The following PSMD14 variants were observed in gnomAD, a reference collection of about 807,000 sequenced individuals.
PSMD14 encodes ubiquitin C-terminal hydrolase PSMD14.
A neutral mutation model predicts 41.2 loss-of-function variants in PSMD14; 7 were observed. That is an observed-to-expected ratio of 0.17 (90% confidence interval 0.10 to 0.32). PSMD14 has a LOEUF of 0.32. PSMD14 is among the 10% of genes least tolerant of loss of function. The probability of loss-of-function intolerance (pLI) is 1.00; values close to 1 mark genes in which losing one functional copy is unlikely to be tolerated. For synonymous variants in PSMD14, 114 were observed against 122.3 expected (o/e 0.93, Z 0.45); for missense variants, 139 against 375.6 (o/e 0.37, Z 5.21).
intron 7 of PSMD14, chr2:161,384,070 T>C (rs2105263550): frequency 6.6e-6 from 1 of 151,770 alleles, no homozygotes; most frequent in East Asian, 1.9e-4. Flanking sequence ...TTAAGGTTAT[T>C]GTATAAAAAG....
chr2:161,340,456 T>C (rs1682934206), intron 3 of PSMD14, among the ~76,000 whole-genome samples: 1 of 152,220 alleles, frequency 6.6e-6, no homozygotes, highest in Non-Finnish European at 1.5e-5. Flanking sequence ...AAGTGAACTC[T>C]GCTTTTAAAA....
At chr2:161,336,213 T>A (rs541380034) in intron 3 of PSMD14, among the ~76,000 whole-genome samples, 2 of 152,370 alleles carry the variant, frequency 1.3e-5, no homozygotes, top group Admixed American at 1.3e-4. Flanking sequence ...TATAGCCATC[T>A]ATAAATTACT....
chr2:161,379,244 T>C (rs1422033463), intron 7 of PSMD14, among the ~76,000 whole-genome samples: 1 of 152,018 alleles, frequency 6.6e-6, no homozygotes, highest in African/African-American at 2.4e-5. Flanking sequence ...CACTCTTAAG[T>C]TGATATCAGA....
At chr2:161,309,237 A>G (rs1325104954) in intron 1 of PSMD14, among the ~76,000 whole-genome samples, 14 of 152,216 alleles carry the variant, frequency 9.2e-5, no homozygotes, top group Admixed American at 7.2e-4. Flanking sequence ...CTGCTACCGT[A>G]TGTTACATCT....
chr2:161,368,005 G>A, intron 5 of PSMD14, 102 bp downstream of exon 5: 1 of 1,307,730 alleles, frequency 7.6e-7, no homozygotes, highest in Non-Finnish European at 1.0e-6. Context: ...TCTCTTTCCA[G>A]TAGGAAAAAT....
intron 3 of PSMD14, among the ~76,000 whole-genome samples, chr2:161,330,081 A>G (rs989910994): frequency 1.3e-5 from 2 of 149,228 alleles, no homozygotes; most frequent in African/African-American, 5.0e-5. Context: ...TTCTATTTTG[A>G]TATGCAATTA....
intron 3 of PSMD14, among the ~76,000 whole-genome samples, chr2:161,338,142 G>A (rs1682894821): frequency 6.6e-6 from 1 of 152,168 alleles, no homozygotes; most frequent in Non-Finnish European, 1.5e-5. Context: ...GTGGTGAGTT[G>A]TAGAGCCCTT....
rs567385081 is a variant in PSMD14 at position 161,385,401 on chromosome 2, C to T, written c.463-63C>T. 5.8e-6 allele frequency: 5 copies of T among 856,760 alleles called. No homozygotes were observed. In the South Asian group the frequency reaches 8.1e-5, roughly 14 times the overall value. The allele number at this position is 856,760 out of a possible 1,614,324, so 53.1% of individuals were successfully genotyped here. A position where few individuals can be genotyped will look rare whatever the true frequency, so the allele number is the denominator to read the frequency against. On this transcript the variant is annotated intron_variant, in intron 7 of 11. Transcript: ENST00000409682. ...ATGCACGTCGATCATGCCTTGTCCA[C>T]TGTTGCTTGGCATTATCACTTGCTT...
chr2:161,308,802 C>T (rs1030528922), intron 1 of PSMD14, 198 bp downstream of exon 1: 20 of 152,494 alleles, frequency 1.3e-4, no homozygotes, highest in Admixed American at 1.3e-3. Flanking sequence ...GATGTCGCCT[C>T]CTTTCTCCAT....
chr2:161,356,293 A>C (rs1683196758), intron 3 of PSMD14, among the ~76,000 whole-genome samples: 1 of 152,144 alleles, frequency 6.6e-6, no homozygotes, highest in Non-Finnish European at 1.5e-5. Context: ...ATGCAGTAGA[A>C]ATAGTTTACA....
intron 7 of PSMD14, among the ~76,000 whole-genome samples, chr2:161,376,497 C>A (rs1683504894): frequency 6.6e-6 from 1 of 151,858 alleles, no homozygotes; most frequent in Non-Finnish European, 1.5e-5. Context: ...ATAAATTAAT[C>A]TCTAATTTGC....
intron 7 of PSMD14, among the ~76,000 whole-genome samples, chr2:161,378,375 A>G (rs926310066): frequency 2.6e-5 from 4 of 152,006 alleles, no homozygotes; most frequent in Admixed American, 2.0e-4. Flanking sequence ...AGTAAAGACT[A>G]TATTGTTAAC....
At chr2:161,366,158 A>C (rs1683354918) in intron 3 of PSMD14, among the ~76,000 whole-genome samples, 1 of 152,148 alleles carries the variant, frequency 6.6e-6, no homozygotes, top group African/African-American at 2.4e-5. Flanking sequence ...ATAAGCAATA[A>C]AACTGCATTA....
At position 161,393,791 on chromosome 2, in the gene PSMD14, G is replaced by A. The variant is rs556084729; in HGVS notation, c.646-1287G>A. Among the ~76,000 whole-genome samples the A allele has an allele frequency of 3.3e-5, 5 of 151,868 alleles. No homozygotes were observed. In the South Asian group the frequency reaches 1.0e-3, roughly 32 times the overall value. On this transcript the variant is annotated intron_variant, in intron 9 of 11. Transcript: ENST00000409682. ...GATGGTCCTCAATTGAAGAAAATTT[G>A]TAGGGTAGGACTTTAAGAAAAACCG... is the stretch of plus-strand genomic sequence containing the variant.
intron 11 of PSMD14, among the ~76,000 whole-genome samples, chr2:161,409,211 G>A (rs904182886): frequency 6.6e-6 from 1 of 151,838 alleles, no homozygotes; most frequent in African/African-American, 2.4e-5. Context: ...ATAATAGAAG[G>A]GTAGATTTAT....
At chr2:161,324,876 A>G (rs374903621) in intron 3 of PSMD14, among the ~76,000 whole-genome samples, 197 of 152,242 alleles carry the variant, frequency 1.3e-3, no homozygotes, top group African/African-American at 4.6e-3. Flanking sequence ...TGCTTTGACC[A>G]ATGGAATGTG....
intron 3 of PSMD14, among the ~76,000 whole-genome samples, chr2:161,336,907 C>T (rs1385086390): frequency 1.3e-5 from 2 of 152,096 alleles, no homozygotes; most frequent in Non-Finnish European, 2.9e-5. Flanking sequence ...AATACACTGG[C>T]AATTATTAAT....
At chr2:161,319,679 T>G (rs543004001) in intron 3 of PSMD14, among the ~76,000 whole-genome samples, 1 of 152,298 alleles carries the variant, frequency 6.6e-6, no homozygotes, top group South Asian at 2.1e-4. Flanking sequence ...TAAAATCTCT[T>G]TAGTTTCCAG....
intron 7 of PSMD14, among the ~76,000 whole-genome samples, chr2:161,377,533 T>C (rs952162249): frequency 1.3e-5 from 2 of 151,940 alleles, no homozygotes; most frequent in African/African-American, 4.8e-5. Context: ...TTAGCTGATA[T>C]AAGAAATTGT....
Sources: allele counts gnomAD v4.1 joint callset (sites outside exome capture counted in the v4.1 genomes callset), GRCh38; gene constraint gnomAD v4.1.1; transcripts MANE v1.5; gene names NCBI Gene and HGNC (gene_info 2026-07-23, HGNC 2026-07-21).